Variants in ACAP2 observed in about 807,000 individuals in gnomAD.
ACAP2 encodes the protein ArfGAP with coiled-coil, ankyrin repeat and PH domains 2.
A neutral mutation model predicts 115.8 loss-of-function variants in ACAP2; 39 were observed. The observed-to-expected ratio is 0.34, with a 90% CI of 0.26 to 0.44. The LOEUF is 0.44. Among genes scored for constraint, ACAP2 ranks in the 20% least tolerant of loss-of-function variants. The pLI, the probability that ACAP2 is intolerant of heterozygous loss-of-function variation, is 1.00. For missense variants in ACAP2, 662 were observed against 927.6 expected (o/e 0.71, Z 3.72); for synonymous variants, 289 against 315.8 (o/e 0.92, Z 0.90).
At chr3:195,404,184 A>G (rs1327251766) in intron 1 of ACAP2, among the ~76,000 whole-genome samples, 1 of 152,190 alleles carries the variant, frequency 6.6e-6, no homozygotes, top group African/African-American at 2.4e-5. Context: ...TAAAATAAGA[A>G]GAAAACCAAG....
intron 15 of ACAP2, among the ~76,000 whole-genome samples, chr3:195,299,984 C>G (rs1204513288): frequency 6.6e-6 from 1 of 150,680 alleles, no homozygotes; most frequent in Admixed American, 6.6e-5. Context: ...TAAAAACATT[C>G]TATTTTAAAA....
At chr3:195,344,868 C>T (rs562071218) in intron 5 of ACAP2, among the ~76,000 whole-genome samples, 15 of 152,194 alleles carry the variant, frequency 9.9e-5, no homozygotes, top group Admixed American at 3.3e-4. Context: ...CCATTATCTT[C>T]TCTTCAAAGA....
rs1553872445 is a variant in ACAP2 at position 195,424,244 on chromosome 3, G to GTGTGTGTGTGT, written c.53+18550_53+18551insACACACACACA. On this transcript the variant is annotated intron_variant, in intron 1 of 22. Transcript: ENST00000326793. ...GTCATATGTGTGTGTGTGTGTGTGT[G>GTGTGTGTGTGT]GTGTGTGTGTGTGTGTGTATATATA... Among the ~76,000 whole-genome samples, 60 of 69,622 alleles carry GTGTGTGTGTGT rather than the reference G, an allele frequency of 8.6e-4. No homozygotes were observed. In the East Asian group the frequency reaches 0.021, roughly 24 times the overall value. The allele number at this position is 69,622 out of a possible 152,430, so 45.7% of individuals were successfully genotyped here.
At chr3:195,420,119 CCT>C (rs200189800) in intron 1 of ACAP2, among the ~76,000 whole-genome samples, 3,273 of 152,156 alleles carry the variant, frequency 0.022, 113 homozygotes, top group East Asian at 0.1. Context: ...CATATTTCCC[CCT>C]TTCTGTCAAG....
intron 1 of ACAP2, among the ~76,000 whole-genome samples, chr3:195,405,717 ATT>A (rs906083428): frequency 1.3e-5 from 2 of 152,192 alleles, no homozygotes; most frequent in African/African-American, 4.8e-5. Context: ...AGACTGGGTA[ATT>A]TATAAAGAAA....
chr3:195,283,831 T>G (rs1342939434), intron 22 of ACAP2, among the ~76,000 whole-genome samples: 10 of 152,250 alleles, frequency 6.6e-5, no homozygotes, highest in South Asian at 6.2e-4. Context: ...CTGGTCTATT[T>G]TTTAACCTCT....
Position 195,342,454 on chromosome 3 carries a change from A to C in ACAP2, c.528+17T>G. Reference sequence around the variant, plus strand: ...GTAAGCACTGTCTGAAAACATACACAGTAAGAAACTATATACCTGAAGCAC... The same window carrying C: ...GTAAGCACTGTCTGAAAACATACACCGTAAGAAACTATATACCTGAAGCAC... On this transcript the variant is annotated intron_variant, in intron 6 of 22. Transcript: ENST00000326793. 6.3e-7 allele frequency: 1 copy of C among 1,576,658 alleles called. No individual in the cohort carries two copies. Among genetic ancestry groups the C allele is most frequent in the Non-Finnish European group, 8.6e-7 (1 of 1,168,044 alleles).
chr3:195,352,263 T>C (rs936032025), intron 4 of ACAP2, among the ~76,000 whole-genome samples: 4 of 152,202 alleles, frequency 2.6e-5, no homozygotes, highest in Admixed American at 2.6e-4. Flanking sequence ...CCTAGGTGTG[T>C]AGGAGGCTAC....
At chr3:195,437,210 A>AT (rs56874761) in intron 1 of ACAP2, among the ~76,000 whole-genome samples, 477 of 147,490 alleles carry the variant, frequency 3.2e-3, no homozygotes, top group African/African-American at 7.8e-3. Context: ...CATTTGGCTA[A>AT]TTTTTTTTTT....
chr3:195,433,099 C>T (rs975688820), intron 1 of ACAP2, among the ~76,000 whole-genome samples: 2 of 152,058 alleles, frequency 1.3e-5, no homozygotes, highest in Non-Finnish European at 2.9e-5. Context: ...CCCTGCCCAC[C>T]CCCTGCACTA....
intron 10 of ACAP2, among the ~76,000 whole-genome samples, chr3:195,310,667 G>A (rs1728705541): frequency 6.6e-6 from 1 of 152,154 alleles, no homozygotes; most frequent in South Asian, 2.1e-4. Context: ...TTGACCAGCT[G>A]CATCTTAGGA....
intron 8 of ACAP2, among the ~76,000 whole-genome samples, chr3:195,328,339 C>A (rs1164612060): frequency 6.6e-6 from 1 of 151,942 alleles, no homozygotes; most frequent in African/African-American, 2.4e-5. Flanking sequence ...ACTATTTGAT[C>A]CCTTATCACA....
chr3:195,351,209 C>G (rs1237189064), intron 4 of ACAP2, among the ~76,000 whole-genome samples: 3 of 149,202 alleles, frequency 2.0e-5, no homozygotes, highest in Non-Finnish European at 4.4e-5. Flanking sequence ...CCTCCGCCTC[C>G]CAGGTTCAAG....
intron 21 of ACAP2, among the ~76,000 whole-genome samples, chr3:195,287,496 T>C (rs190354339): frequency 4.6e-5 from 7 of 152,284 alleles, no homozygotes; most frequent in African/African-American, 1.2e-4. Context: ...TTTTTAATTT[T>C]TTGTAGAGAC....
chr3:195,325,804 T>C (rs888509793), intron 9 of ACAP2, among the ~76,000 whole-genome samples: 3 of 152,204 alleles, frequency 2.0e-5, no homozygotes, highest in Non-Finnish European at 2.9e-5. Flanking sequence ...GAACACATCA[T>C]ACTGTACACT....
chr3:195,399,414 C>A (rs1282713597), intron 1 of ACAP2, among the ~76,000 whole-genome samples: 1 of 152,046 alleles, frequency 6.6e-6, no homozygotes, highest in Non-Finnish European at 1.5e-5. Context: ...GAACTCCTGG[C>A]CTGAAGCAAT....
chr3:195,356,715 T>C (rs550275999), intron 4 of ACAP2, among the ~76,000 whole-genome samples: 2 of 152,016 alleles, frequency 1.3e-5, no homozygotes, highest in African/African-American at 4.8e-5. Context: ...CCGGGTGATA[T>C]TTTTAGACAC....
chr3:195,412,751 G>A, intron 1 of ACAP2: 2 of 279,506 alleles, frequency 7.2e-6, no homozygotes, highest in Admixed American at 4.1e-5. Flanking sequence ...AACCGTAACT[G>A]CCTTTGAAAT....
At chr3:195,382,213 T>C (rs1733990680) in intron 2 of ACAP2, among the ~76,000 whole-genome samples, 191 bp from the exon 3 acceptor site, 1 of 152,174 alleles carries the variant, frequency 6.6e-6, no homozygotes, top group South Asian at 2.1e-4. Flanking sequence ...AGCAGAGTTG[T>C]ACCAGAAAAG....
Sources: gnomAD v4.1 joint callset for allele counts (sites outside exome capture counted in the v4.1 genomes callset) on GRCh38, gnomAD v4.1.1 for gene constraint, MANE v1.5 for transcripts, NCBI Gene and HGNC (gene_info 2026-07-23, HGNC 2026-07-21) for gene names.